KCNIP4: variants seen among roughly 807,000 people sequenced by gnomAD.
The protein encoded by KCNIP4 is Kv channel-interacting protein 4.
In KCNIP4, 12 loss-of-function variants were observed where a neutral mutation model predicts 34.0. The observed-to-expected ratio is 0.35, with a 90% CI of 0.23 to 0.57. KCNIP4 has a LOEUF of 0.57. Ranked by LOEUF, KCNIP4 falls within the 20% of genes least tolerant of loss-of-function variation. The pLI is 0.83. For synonymous variants in KCNIP4, 124 were observed against 102.2 expected (o/e 1.21, Z -1.29); for missense variants, 238 against 311.7 (o/e 0.76, Z 1.78).
chr4:21,920,630 A>G lies in KCNIP4; in HGVS notation c.61+27941T>C, dbSNP rs1404274174. Among the ~76,000 whole-genome samples the G allele has an allele frequency of 2.0e-5, 3 of 152,172 alleles. No individual in the cohort carries two copies. In the East Asian group the frequency reaches 5.8e-4, roughly 29 times the overall value. ...ACCTATTGAAATAAAAATAATTATA[A>G]TTAAAACAATAAAGTACATGGGATA... On this transcript the variant is annotated intron_variant, in intron 1 of 8. Transcript: ENST00000382152.
At chr4:21,591,665 A>G (rs1742234952) in intron 1 of KCNIP4, among the ~76,000 whole-genome samples, 1 of 152,012 alleles carries the variant, frequency 6.6e-6, no homozygotes, top group Non-Finnish European at 1.5e-5. Context: ...GTAATTCTGG[A>G]GTTAAATAAA....
chr4:21,926,406 C>T (rs1729244546), intron 1 of KCNIP4, among the ~76,000 whole-genome samples: 1 of 152,290 alleles, frequency 6.6e-6, no homozygotes, highest in African/African-American at 2.4e-5. Flanking sequence ...AGCAGAAAAA[C>T]TATAACTTTG....
intron 1 of KCNIP4, among the ~76,000 whole-genome samples, chr4:21,608,300 C>T (rs750298085): frequency 1.3e-5 from 2 of 152,224 alleles, no homozygotes; most frequent in South Asian, 2.1e-4. Context: ...AAGGTGTCTG[C>T]GGGGCTGCCT....
chr4:21,306,609 T>G (rs1712494111), intron 1 of KCNIP4, among the ~76,000 whole-genome samples: 1 of 152,218 alleles, frequency 6.6e-6, no homozygotes, highest in Non-Finnish European at 1.5e-5. Flanking sequence ...TAGTAGTTAA[T>G]TAAACTCAAG....
chr4:20,748,601 TA>T lies in KCNIP4; in HGVS notation c.429+1060del, dbSNP rs1390624515. Among the ~76,000 whole-genome samples, 374 of 107,234 alleles carry T rather than the reference TA, an allele frequency of 3.5e-3. 7 individuals carry two copies. In the East Asian group the frequency reaches 0.057, roughly 16 times the overall value. 70.3% of individuals were successfully genotyped at this position (107,234 alleles called of 152,430 possible). ...ATATATATATATATATATATATATA[TA>T]TATTCCATAAGTAAATATAAATGTA... On this transcript the variant is annotated intron_variant, in intron 5 of 8. Transcript: ENST00000382152.
chr4:21,524,654 C>T (rs1020909311), intron 1 of KCNIP4, among the ~76,000 whole-genome samples: 2 of 152,096 alleles, frequency 1.3e-5, no homozygotes, highest in African/African-American at 4.8e-5. Context: ...CCTTCTAAGT[C>T]AGTCTCGTGT....
At position 20,936,127 on chromosome 4, in the gene KCNIP4, A is replaced by G. The variant is rs545884406; in HGVS notation, c.62-53418T>C. On this transcript the variant is annotated intron_variant, in intron 1 of 8. Coordinates refer to ENST00000382152, the MANE Select transcript of KCNIP4 (RefSeq NM_025221.6). ...AATTGGAGTTAACAGTATCTACTCT[A>G]TTGAACTGTTATTCAAAGGATTAAT... 4.6e-5 allele frequency among the ~76,000 whole-genome samples: 7 copies of G among 152,240 alleles called. No homozygotes were observed. The South Asian group carries it at 1.5e-3, about 32-fold the overall frequency.
intron 1 of KCNIP4, among the ~76,000 whole-genome samples, chr4:21,548,755 T>C (rs1035086549): frequency 5.3e-5 from 8 of 152,086 alleles, no homozygotes; most frequent in African/African-American, 1.7e-4. Flanking sequence ...ATCTTACATA[T>C]ATGCCTTACC....
At chr4:21,356,436 TCTC>T (rs1718607013) in intron 1 of KCNIP4, among the ~76,000 whole-genome samples, 1 of 152,024 alleles carries the variant, frequency 6.6e-6, no homozygotes, top group African/African-American at 2.4e-5. Context: ...CAGCCCAAAA[TCTC>T]CTTAAGCTGA....
intron 1 of KCNIP4, among the ~76,000 whole-genome samples, chr4:21,806,525 A>G (rs1721309277): frequency 6.6e-6 from 1 of 152,190 alleles, no homozygotes; most frequent in Non-Finnish European, 1.5e-5. Context: ...AAAGAGGGAG[A>G]TGACTGATTA....
chr4:21,789,295 G>A (rs536161782), intron 1 of KCNIP4, among the ~76,000 whole-genome samples: 51 of 152,202 alleles, frequency 3.4e-4, no homozygotes, highest in African/African-American at 1.1e-3. Context: ...GTCTTTCAAA[G>A]TTTAATTTAA....
intron 1 of KCNIP4, among the ~76,000 whole-genome samples, chr4:21,783,799 C>A (rs986195747): frequency 1.3e-5 from 2 of 152,078 alleles, no homozygotes; most frequent in African/African-American, 4.8e-5. Flanking sequence ...CCCTATCTTC[C>A]ATTATTATTT....
Position 20,904,941 on chromosome 4 carries a change from G to A in KCNIP4, c.62-22232C>T, listed in dbSNP as rs76763831. ...GGATGAGGCATGGGAGTAGGAATAG[G>A]ATAAAGACTAGAGTAGTTTTGGAAA... On this transcript the variant is annotated intron_variant, in intron 1 of 8. Transcript: ENST00000382152. Among the ~76,000 whole-genome samples the A allele has an allele frequency of 5.5e-3, 835 of 152,234 alleles. 12 individuals carry two copies. The highest frequency in any genetic ancestry group is 0.019 in the African/African-American group (805 of 41,536).
Position 21,174,901 on chromosome 4 carries a change from C to CA in KCNIP4, c.62-292193dup, listed in dbSNP as rs5856608. 2.4e-3 allele frequency among the ~76,000 whole-genome samples: 276 copies of CA among 115,700 alleles called. 2 individuals are homozygous for CA. Among genetic ancestry groups the CA allele is most frequent in the African/African-American group, 5.5e-3 (168 of 30,600 alleles). 75.9% of individuals were successfully genotyped at this position (115,700 alleles called of 152,430 possible). On this transcript the variant is annotated intron_variant, in intron 1 of 8. Transcript: ENST00000382152. ...TGGGTGACAGAGCGAGACACTGTCT[C>CA]AAAAAAAAAAAAAAGAAAAAAAAAG...
intron 1 of KCNIP4, among the ~76,000 whole-genome samples, chr4:21,387,369 T>G (rs1495518): frequency 0.07 from 10,609 of 152,156 alleles, 1,071 homozygotes; most frequent in African/African-American, 0.22. Context: ...TTTAATTATA[T>G]TTTACACCAG....
chr4:21,455,207 C>T (rs1728825624), intron 1 of KCNIP4, among the ~76,000 whole-genome samples: 1 of 151,736 alleles, frequency 6.6e-6, no homozygotes, highest in South Asian at 2.1e-4. Flanking sequence ...CAGAAGTAGG[C>T]AAATAACAAA....
At chr4:21,670,436 G>C (rs1473106375) in intron 1 of KCNIP4, among the ~76,000 whole-genome samples, 1 of 124,718 alleles carries the variant, frequency 8.0e-6, no homozygotes, top group Non-Finnish European at 1.7e-5. Context: ...TCGGGGGAGG[G>C]GGGAGGGATA....
intron 1 of KCNIP4, among the ~76,000 whole-genome samples, chr4:21,141,402 T>TA (rs748193231): frequency 1.6e-4 from 25 of 151,718 alleles, no homozygotes; most frequent in Non-Finnish European, 2.2e-4. Flanking sequence ...AGTACTAAGA[T>TA]AAAAAAAAAC....
intron 1 of KCNIP4, among the ~76,000 whole-genome samples, chr4:21,340,156 G>A (rs1010667206): frequency 6.6e-6 from 1 of 151,856 alleles, no homozygotes; most frequent in Non-Finnish European, 1.5e-5. Flanking sequence ...CCCCCTAATC[G>A]GTGAGCTATG....
Sources: gnomAD v4.1 joint callset for allele counts (sites outside exome capture counted in the v4.1 genomes callset) on GRCh38, gnomAD v4.1.1 for gene constraint, MANE v1.5 for transcripts, NCBI Gene and HGNC (gene_info 2026-07-23, HGNC 2026-07-21) for gene names.